The following MAGI2 variants were observed in gnomAD, a reference collection of about 807,000 sequenced individuals.
MAGI2 encodes membrane-associated guanylate kinase, WW and PDZ domain-containing protein 2.
In MAGI2, 35 loss-of-function variants were observed where a neutral mutation model predicts 133.3. The observed-to-expected ratio is 0.26, with a 90% CI of 0.20 to 0.35. The LOEUF (loss-of-function observed/expected upper bound fraction) is 0.35. Ranked by LOEUF, MAGI2 falls within the 10% of genes least tolerant of loss-of-function variation. The pLI is 1.00. For synonymous variants in MAGI2, 729 were observed against 710.6 expected (o/e 1.03, Z -0.41); for missense variants, 1,636 against 1,863.4 (o/e 0.88, Z 2.25).
At chr7:78,208,383 AAGGAT>A (rs1248333288) in intron 10 of MAGI2, among the ~76,000 whole-genome samples, 3 of 152,104 alleles carry the variant, frequency 2.0e-5, no homozygotes, top group African/African-American at 7.2e-5. Context: ...CAGCTATATA[AAGGAT>A]AGGTTCAAAA....
chr7:78,331,194 A>G (rs2534646), intron 9 of MAGI2, among the ~76,000 whole-genome samples: 71,215 of 151,858 alleles, frequency 0.47, 17,086 homozygotes, highest in Non-Finnish European at 0.5. Context: ...GAAATAACAG[A>G]CACTAGGGAC....
intron 2 of MAGI2, among the ~76,000 whole-genome samples, chr7:78,691,637 G>T (rs1816966417): frequency 6.6e-6 from 1 of 152,074 alleles, no homozygotes; most frequent in Admixed American, 6.6e-5. Context: ...TTGACCAAAA[G>T]AGCAGACTCT....
At chr7:78,710,418 C>A (rs1819068817) in intron 2 of MAGI2, among the ~76,000 whole-genome samples, 1 of 152,142 alleles carries the variant, frequency 6.6e-6, no homozygotes, top group African/African-American at 2.4e-5. Context: ...GATACCAAAT[C>A]ACTCCATATT....
chr7:79,294,144 T>G (rs377734820), intron 1 of MAGI2, among the ~76,000 whole-genome samples: 226 of 147,078 alleles, frequency 1.5e-3, no homozygotes, highest in African/African-American at 5.5e-3. Flanking sequence ...CACCATTGCA[T>G]TCCAGCCCGG....
chr7:79,071,397 A>G (rs2117159798), intron 1 of MAGI2, among the ~76,000 whole-genome samples: 1 of 152,240 alleles, frequency 6.6e-6, no homozygotes, highest in Admixed American at 6.5e-5. Context: ...CCCTGCTGGG[A>G]GGTGTCTCCT....
At chr7:78,475,635 A>G (rs929679546) in intron 6 of MAGI2, among the ~76,000 whole-genome samples, 1 of 151,960 alleles carries the variant, frequency 6.6e-6, no homozygotes, top group African/African-American at 2.4e-5. Flanking sequence ...ATAAAGCTTA[A>G]TAGAATAATG....
At chr7:79,208,968 A>G (rs1829282569) in intron 1 of MAGI2, among the ~76,000 whole-genome samples, 1 of 152,014 alleles carries the variant, frequency 6.6e-6, no homozygotes, top group East Asian at 1.9e-4. Context: ...GAATCTTAAA[A>G]AGTTAATCTC....
intron 1 of MAGI2, among the ~76,000 whole-genome samples, chr7:79,333,704 T>C (rs1334568474): frequency 1.3e-5 from 2 of 152,212 alleles, no homozygotes; most frequent in African/African-American, 4.8e-5. Context: ...TTTTATTGAA[T>C]GTTTAATTAA....
intron 21 of MAGI2, among the ~76,000 whole-genome samples, chr7:78,056,564 G>GGTACAGAAAACCAAACACT (rs1391824837): frequency 6.6e-6 from 1 of 152,126 alleles, no homozygotes; most frequent in Admixed American, 6.6e-5. Context: ...AACTGACACA[G>GGTACAGAAAACCAAACACT]GTACAGAAAA....
chr7:78,021,661 A>G (rs1407326051), intron 21 of MAGI2, among the ~76,000 whole-genome samples: 1 of 152,232 alleles, frequency 6.6e-6, no homozygotes, highest in Non-Finnish European at 1.5e-5. Flanking sequence ...CGAATGGAAC[A>G]TTTTGGGCAT....
chr7:79,017,116 G>T (rs1376353750), intron 1 of MAGI2, among the ~76,000 whole-genome samples: 2 of 152,204 alleles, frequency 1.3e-5, no homozygotes, highest in African/African-American at 4.8e-5. Flanking sequence ...GCTGCTGCTG[G>T]CACATAACAA....
intron 1 of MAGI2, among the ~76,000 whole-genome samples, chr7:79,186,544 T>C (rs1827159380): frequency 6.7e-6 from 1 of 149,344 alleles, no homozygotes; most frequent in Non-Finnish European, 1.5e-5. Flanking sequence ...TGTCATTTTG[T>C]TTATTCCTAA....
At position 78,614,137 on chromosome 7, in the gene MAGI2, C is replaced by T. The variant is rs545879698; in HGVS notation, c.538+12983G>A. 5.0e-4 allele frequency among the ~76,000 whole-genome samples: 75 copies of T among 151,136 alleles called. 2 individuals carry two copies. The highest frequency in any genetic ancestry group is 1.7e-3 in the African/African-American group (71 of 41,204). ...AAAAAAAAAAAATTAGTATATACTG[C>T]AAACTGTGAATGTGGGCCTTTCAGG... On this transcript the variant is annotated intron_variant, in intron 3 of 21. Transcript: ENST00000354212.
intron 1 of MAGI2, among the ~76,000 whole-genome samples, chr7:79,294,815 C>T (rs1236007249): frequency 6.3e-5 from 9 of 143,802 alleles, no homozygotes; most frequent in Non-Finnish European, 3.0e-5. Context: ...CTGCAAGCTC[C>T]GCCTCCCGGG....
At chr7:78,109,123 C>T (rs770480221) in intron 20 of MAGI2, among the ~76,000 whole-genome samples, 50 of 147,838 alleles carry the variant, frequency 3.4e-4, no homozygotes, top group Non-Finnish European at 5.4e-4. Flanking sequence ...GCTAACACAG[C>T]GAAACCCCAT....
At chr7:78,336,596 A>C (rs1410271210) in intron 9 of MAGI2, among the ~76,000 whole-genome samples, 1 of 152,096 alleles carries the variant, frequency 6.6e-6, no homozygotes, top group African/African-American at 2.4e-5. Context: ...ATGGTGGTGC[A>C]AGCCTGTGGT....
chr7:78,615,049 C>T (rs1806927404), intron 3 of MAGI2: 1 of 152,078 alleles, frequency 6.6e-6, no homozygotes, highest in African/African-American at 2.4e-5. Context: ...TTTCGCATTC[C>T]TCTGTCAACT....
chr7:78,533,290 G>A (rs1797616731), intron 3 of MAGI2, among the ~76,000 whole-genome samples: 1 of 152,188 alleles, frequency 6.6e-6, no homozygotes, highest in Admixed American at 6.5e-5. Context: ...TAGAAAACCT[G>A]TTGAATTACT....
At chr7:78,078,320 T>G (rs1815584479) in intron 21 of MAGI2, 1 of 153,676 alleles carries the variant, frequency 6.5e-6, no homozygotes, top group South Asian at 2.0e-4. Flanking sequence ...AATGGGCTGC[T>G]GGGAAACAAC....
Sources: gnomAD v4.1 joint callset for allele counts (sites outside exome capture counted in the v4.1 genomes callset) on GRCh38, gnomAD v4.1.1 for gene constraint, MANE v1.5 for transcripts, NCBI Gene and HGNC (gene_info 2026-07-23, HGNC 2026-07-21) for gene names.